SDK1: variants seen among roughly 807,000 people sequenced by gnomAD.
SDK1 encodes the protein protein sidekick-1.
Under a neutral mutation model 245.5 loss-of-function variants are expected in SDK1, and 157 were observed. That is an observed-to-expected ratio of 0.64 (90% CI 0.56 to 0.73). The LOEUF (loss-of-function observed/expected upper bound fraction) is 0.73. Among genes scored for constraint, SDK1 ranks in the 30% least tolerant of loss-of-function variants. The pLI is 0.00. For missense variants in SDK1, 3,583 were observed against 3,002.3 expected, an observed-to-expected ratio of 1.19 and a Z score of -4.52; for synonymous variants, 1,647 against 1,278.5, an observed-to-expected ratio of 1.29 and a Z score of -6.15.
At chr7:3,623,785 A>G (rs1308088527) in intron 2 of SDK1, among the ~76,000 whole-genome samples, 4 of 152,202 alleles carry the variant, frequency 2.6e-5, no homozygotes, top group Non-Finnish European at 5.9e-5. Flanking sequence ...TAGGCACAAT[A>G]TTTATTATTG....
In SDK1 at chr7:3,572,169, A is replaced by G. The variant is rs563980404; in HGVS notation, c.299-46911A>G. On this transcript the variant is annotated intron_variant, in intron 1 of 44. Transcript: ENST00000404826. The stretch of plus-strand genomic sequence containing the variant: ...ACTTATGTTCAAAGTACTGTGGGTG[A>G]TAGAACTAATAAGTTAGTAGTTTCT... 2.5e-3 allele frequency among the ~76,000 whole-genome samples: 373 copies of G among 152,242 alleles called. 8 individuals carry two copies. The highest frequency in any genetic ancestry group is 0.018 in the South Asian group (86 of 4,826).
intron 5 of SDK1, among the ~76,000 whole-genome samples, chr7:3,943,220 G>A (rs947037196): frequency 4.6e-5 from 7 of 152,058 alleles, no homozygotes; most frequent in South Asian, 2.1e-4. Flanking sequence ...TTTTAATGAG[G>A]TGCTGAGATC....
intron 31 of SDK1, 92 bp downstream of exon 31, chr7:4,158,643 G>A (rs1040772260): frequency 1.1e-6 from 1 of 874,058 alleles, no homozygotes; most frequent in South Asian, 1.4e-5. Context: ...CCAGAAAGGG[G>A]CCACCAGGGA....
Position 4,051,743 on chromosome 7 carries a change from A to G in SDK1, c.2824A>G (p.Thr942Ala). The G allele has an allele frequency of 6.2e-7, 1 of 1,614,024 alleles. No individual in the cohort carries two copies. The highest frequency in any genetic ancestry group is 8.5e-7 in the Non-Finnish European group (1 of 1,179,956). ...HGHITNLKKF[T>A]AYFTSVLCFT... The stretch of plus-strand genomic sequence containing the variant: ...ACACATAACGAACCTGAAGAAGTTT[A>G]CCGCCTACTTCACTTCCGTTCTGTG... Residue 942 changes from threonine to alanine, a missense_variant, in exon 19 of 45, where the codon ACC becomes GCC. Transcript: ENST00000404826.
At chr7:3,358,302 A>G (rs981412276) in intron 1 of SDK1, among the ~76,000 whole-genome samples, 1 of 152,184 alleles carries the variant, frequency 6.6e-6, no homozygotes, top group African/African-American at 2.4e-5. Flanking sequence ...GATTAGAAGC[A>G]TGGACCACCA....
chr7:4,015,530 A>G (rs1028258896), intron 16 of SDK1, among the ~76,000 whole-genome samples: 21 of 152,204 alleles, frequency 1.4e-4, no homozygotes, highest in African/African-American at 5.1e-4. Context: ...AGGTGAATCC[A>G]TGCCAAGCCT....
At chr7:3,501,529 C>T (rs1451963656) in intron 1 of SDK1, among the ~76,000 whole-genome samples, 6 of 151,992 alleles carry the variant, frequency 3.9e-5, no homozygotes, top group Non-Finnish European at 1.5e-5. Flanking sequence ...ATTTCGTGCT[C>T]CTGATTATAT....
At chr7:4,258,407 A>C (rs957174367) in intron 44 of SDK1, among the ~76,000 whole-genome samples, 4 of 152,196 alleles carry the variant, frequency 2.6e-5, no homozygotes, top group Non-Finnish European at 4.4e-5. Context: ...GGTGCAAGAC[A>C]GACTAACTGA....
At chr7:4,141,827 G>A (rs933893313) in intron 28 of SDK1, among the ~76,000 whole-genome samples, 1 of 152,134 alleles carries the variant, frequency 6.6e-6, no homozygotes, top group Non-Finnish European at 1.5e-5. Context: ...CGTGATCTTG[G>A]CTCACTGCAA....
intron 4 of SDK1, among the ~76,000 whole-genome samples, chr7:3,720,620 T>A (rs1023122177): frequency 6.6e-6 from 1 of 152,212 alleles, no homozygotes; most frequent in Non-Finnish European, 1.5e-5. Flanking sequence ...ATCACTCATA[T>A]ATTGTTAGTG....
intron 4 of SDK1, among the ~76,000 whole-genome samples, chr7:3,662,199 G>C (rs1327949825): frequency 6.6e-6 from 1 of 152,032 alleles, no homozygotes; most frequent in East Asian, 1.9e-4. Context: ...AATAACAATA[G>C]GTAAAATGGA....
chr7:4,050,305 AG>A (rs1324296350), intron 18 of SDK1, among the ~76,000 whole-genome samples: 1 of 152,244 alleles, frequency 6.6e-6, no homozygotes, highest in Non-Finnish European at 1.5e-5. Flanking sequence ...TCTGCCAGAA[AG>A]GCAGAAGTAG....
chr7:3,749,687 C>T lies in SDK1; in HGVS notation c.714-71763C>T, dbSNP rs758255496. Among the ~76,000 whole-genome samples, 24 of 152,300 alleles carry T rather than the reference C, an allele frequency of 1.6e-4. No homozygotes were observed. The Middle Eastern group carries it at 0.014, about 86-fold the overall frequency. The stretch of plus-strand genomic sequence containing the variant: ...ACTGCTGCCCTTCAGCCTCTTGCCC[C>T]TGTGCCAGCTAGCTCATAGTTAAAC... On this transcript the variant is annotated intron_variant, in intron 4 of 44. Transcript: ENST00000404826.
intron 1 of SDK1, among the ~76,000 whole-genome samples, chr7:3,359,420 C>G (rs1330175761): frequency 6.6e-6 from 1 of 152,048 alleles, no homozygotes; most frequent in East Asian, 1.9e-4. Context: ...GAAATATGGC[C>G]AATATCTTAG....
chr7:3,546,378 C>A (rs1779227466), intron 1 of SDK1, among the ~76,000 whole-genome samples: 1 of 152,164 alleles, frequency 6.6e-6, no homozygotes, highest in African/African-American at 2.4e-5. Flanking sequence ...AACGTGAAGG[C>A]CCTAGTTGAC....
chr7:4,183,595 C>T lies in SDK1; in HGVS notation c.5098+5009C>T, dbSNP rs554148786. 5.4e-5 allele frequency among the ~76,000 whole-genome samples: 8 copies of T among 149,496 alleles called. No individual in the cohort carries two copies. The East Asian group carries it at 1.4e-3, about 26-fold the overall frequency. On this transcript the variant is annotated intron_variant, in intron 35 of 44. Coordinates refer to ENST00000404826, the MANE Select transcript of SDK1 (RefSeq NM_152744.4). Reference sequence around the variant, plus strand: ...GGCAGAGGTTGCAGTAAGCCAAAATCGCACCACTGCACTCCAGCCTGGGCT... The same window carrying T: ...GGCAGAGGTTGCAGTAAGCCAAAATTGCACCACTGCACTCCAGCCTGGGCT...
intron 5 of SDK1, among the ~76,000 whole-genome samples, chr7:3,941,452 C>T (rs1250262605): frequency 3.9e-5 from 6 of 152,170 alleles, no homozygotes; most frequent in Non-Finnish European, 8.8e-5. Flanking sequence ...TGTGGCCACG[C>T]CCATGCCCCC....
chr7:3,839,953 GAGA>G (rs1423252158), intron 5 of SDK1, among the ~76,000 whole-genome samples: 2 of 152,182 alleles, frequency 1.3e-5, no homozygotes, highest in African/African-American at 2.4e-5. Context: ...TGAATTGAAG[GAGA>G]AGAAGGAATG....
chr7:4,237,723 G>A lies in SDK1; in HGVS notation c.6069G>A (p.Leu2023=). The A allele has an allele frequency of 6.2e-7, 1 of 1,614,172 alleles. No homozygotes were observed. Among genetic ancestry groups the A allele is most frequent in the Non-Finnish European group, 8.5e-7 (1 of 1,180,030 alleles). Residue 2023 remains leucine, a synonymous_variant, in exon 42 of 45, where the codon CTG becomes CTA. Transcript: ENST00000404826. The stretch of plus-strand genomic sequence containing the variant: ...CTCTGTCCAGCCTGATCGTCATCCT[G>A]CTGGTGGTGTTCGCCCTCGTCCTGC... ...VMALSSLIVI[L]LVVFALVLHG...
Sources: allele counts gnomAD v4.1 joint callset (sites outside exome capture counted in the v4.1 genomes callset), GRCh38; gene constraint gnomAD v4.1.1; transcripts MANE v1.5; gene names NCBI Gene and HGNC (gene_info 2026-07-23, HGNC 2026-07-21).